The following TXNRD2 variants were observed in gnomAD, a reference collection of about 807,000 sequenced individuals.
TXNRD2 encodes the protein thioredoxin reductase 2, mitochondrial.
In TXNRD2, 67 loss-of-function variants were observed where a neutral mutation model predicts 70.8. That is an observed-to-expected ratio of 0.95 (90% CI 0.78 to 1.16). The LOEUF is 1.16. Among genes scored for constraint, TXNRD2 ranks in the 50% most tolerant of loss-of-function variants. The probability of loss-of-function intolerance (pLI) is 0.00; values close to 1 mark genes in which losing one functional copy is unlikely to be tolerated. For missense variants in TXNRD2, 644 were observed against 719.9 expected (o/e 0.89, Z 1.21); for synonymous variants, 301 against 295.8 (o/e 1.02, Z -0.18).
chr22:19,926,097 A>C (rs1941129659), intron 2 of TXNRD2, among the ~76,000 whole-genome samples: 1 of 148,748 alleles, frequency 6.7e-6, no homozygotes, highest in East Asian at 2.0e-4. Flanking sequence ...TGGGAGGCGG[A>C]GGTTGCGGTG....
At chr22:19,932,140 G>A (rs527554290) in intron 1 of TXNRD2, among the ~76,000 whole-genome samples, 6 of 136,780 alleles carry the variant, frequency 4.4e-5, no homozygotes, top group African/African-American at 1.4e-4. Context: ...CAGCCTGGGA[G>A]ACAGAGTGAG....
At chr22:19,890,947 G>A (rs577393843) in intron 11 of TXNRD2, among the ~76,000 whole-genome samples, 1 of 152,134 alleles carries the variant, frequency 6.6e-6, no homozygotes, top group Non-Finnish European at 1.5e-5. Flanking sequence ...ATCATCTCCT[G>A]GGCACCCCAG....
chr22:19,941,708 G>A lies in TXNRD2; in HGVS notation c.96C>T (p.Gly32=), dbSNP rs767140410. The A allele has an allele frequency of 4.1e-5, 61 of 1,483,092 alleles. No homozygotes were observed. Among genetic ancestry groups the A allele is most frequent in the Non-Finnish European group, 4.7e-5 (53 of 1,123,960 alleles). The allele number at this position is 1,483,092 out of a possible 1,614,324, so 91.9% of individuals were successfully genotyped here. Residue 32 remains glycine, a synonymous_variant, in exon 1 of 18, where the codon GGC becomes GGT. Coordinates refer to ENST00000400521, the MANE Select transcript of TXNRD2 (RefSeq NM_006440.5). ...GCCCCGACCCCATCCTACCTGCTGC[G>A]CCCCGCGCCGCGCCCCGCACCCCGC... is the stretch of plus-strand genomic sequence containing the variant. ...VAGGVRGAAR[G]AAAGQRDYDL...
intron 8 of TXNRD2, among the ~76,000 whole-genome samples, chr22:19,910,572 C>T (rs1940359801): frequency 6.6e-6 from 1 of 152,176 alleles, no homozygotes; most frequent in Non-Finnish European, 1.5e-5. Flanking sequence ...AGCCACAGGA[C>T]AGAGTAAATC....
At chr22:19,918,799 C>T in intron 4 of TXNRD2, 61 bp downstream of exon 4, 2 of 1,592,970 alleles carry the variant, frequency 1.3e-6, no homozygotes, top group South Asian at 2.2e-5. Context: ...TAAGCCTCCT[C>T]TTCCTCTTCC....
intron 2 of TXNRD2, 103 bp from the exon 3 acceptor site, chr22:19,919,702 G>C: frequency 3.9e-6 from 4 of 1,019,856 alleles, no homozygotes; most frequent in South Asian, 1.4e-5. Context: ...TGTGGGCAGG[G>C]CCTGGGCCTG....
chr22:19,891,998 CT>C (rs1343453394), intron 11 of TXNRD2, among the ~76,000 whole-genome samples: 1 of 152,240 alleles, frequency 6.6e-6, no homozygotes, highest in East Asian at 1.9e-4. Context: ...AGGGCCAGCA[CT>C]CGGCCCCACA....
chr22:19,887,567 C>T (rs1293811333), intron 11 of TXNRD2: 1 of 152,254 alleles, frequency 6.6e-6, no homozygotes, highest in Non-Finnish European at 1.5e-5. Context: ...TCGGCAGCGT[C>T]CTCCCTGCAG....
At chr22:19,912,413 C>G (rs917853217) in intron 7 of TXNRD2, among the ~76,000 whole-genome samples, 2 of 152,212 alleles carry the variant, frequency 1.3e-5, no homozygotes, top group Non-Finnish European at 2.9e-5. Flanking sequence ...ACCAGGAGCG[C>G]CTGCTGGATC....
chr22:19,937,400 A>T (rs2146107915), intron 1 of TXNRD2, among the ~76,000 whole-genome samples: 1 of 152,268 alleles, frequency 6.6e-6, no homozygotes, highest in East Asian at 1.9e-4. Flanking sequence ...TTTTAGCTAA[A>T]TTACAAGATG....
intron 7 of TXNRD2, among the ~76,000 whole-genome samples, chr22:19,911,873 G>A (rs562716990): frequency 5.8e-4 from 89 of 152,336 alleles, no homozygotes; most frequent in South Asian, 8.3e-4. Context: ...GGTTCTGGGG[G>A]ATCCAAACTC....
intron 2 of TXNRD2, among the ~76,000 whole-genome samples, chr22:19,929,085 T>C (rs1376229841): frequency 6.6e-6 from 1 of 151,562 alleles, no homozygotes; most frequent in Non-Finnish European, 1.5e-5. Flanking sequence ...CCCAGCACTT[T>C]GGGAGGCCGA....
intron 2 of TXNRD2, among the ~76,000 whole-genome samples, chr22:19,928,901 G>C (rs1445310580): frequency 6.6e-6 from 1 of 151,748 alleles, no homozygotes; most frequent in Non-Finnish European, 1.5e-5. Context: ...AGCTACTCAG[G>C]AGGCTGTGGC....
intron 2 of TXNRD2, among the ~76,000 whole-genome samples, chr22:19,929,096 G>A (rs1430199487): frequency 6.6e-6 from 1 of 151,856 alleles, no homozygotes; most frequent in African/African-American, 2.4e-5. Context: ...GGGAGGCCGA[G>A]GTGGGTGGAT....
chr22:19,915,326 C>A, intron 6 of TXNRD2, 50 bp from the exon 7 acceptor site: 1 of 1,583,732 alleles, frequency 6.3e-7, no homozygotes, highest in Non-Finnish European at 8.6e-7. Context: ...ATGGTGATCA[C>A]CCCACCGGAG....
At chr22:19,899,700 G>A (rs1939684707) in intron 8 of TXNRD2, among the ~76,000 whole-genome samples, 1 of 152,244 alleles carries the variant, frequency 6.6e-6, no homozygotes, top group Non-Finnish European at 1.5e-5. Flanking sequence ...CATGTGTTTT[G>A]CATGCACATG....
chr22:19,889,919 T>TA (rs397718032), intron 11 of TXNRD2, among the ~76,000 whole-genome samples: 4 of 151,966 alleles, frequency 2.6e-5, no homozygotes, highest in Non-Finnish European at 5.9e-5. Flanking sequence ...CTTTTTTTTT[T>TA]AATTGGTTTC....
intron 17 of TXNRD2, chr22:19,876,507 G>C (rs907572593): frequency 1.3e-5 from 2 of 152,346 alleles, no homozygotes; most frequent in Non-Finnish European, 2.9e-5. Flanking sequence ...ATGCCCCCCG[G>C]TCAGCCTGGC....
intron 1 of TXNRD2, among the ~76,000 whole-genome samples, chr22:19,940,287 TG>T (rs1941666106): frequency 6.9e-6 from 1 of 145,086 alleles, no homozygotes; most frequent in Non-Finnish European, 1.5e-5. Flanking sequence ...ACAACTCATA[TG>T]GTTTAGTAAC....
Sources: allele counts gnomAD v4.1 joint callset (sites outside exome capture counted in the v4.1 genomes callset), GRCh38; gene constraint gnomAD v4.1.1; transcripts MANE v1.5; gene names NCBI Gene and HGNC (gene_info 2026-07-23, HGNC 2026-07-21).